Variants in CSMD1 observed in about 807,000 individuals in gnomAD.
CSMD1 encodes CUB and sushi domain-containing protein 1.
A neutral mutation model predicts 417.5 loss-of-function variants in CSMD1; 213 were observed. That is an observed-to-expected ratio of 0.51 (90% CI 0.46 to 0.57). CSMD1 has a LOEUF of 0.57. CSMD1 is among the 20% of genes least tolerant of loss of function. CSMD1 has a pLI of 0.00. For synonymous variants in CSMD1, 2,862 were observed against 1,736.8 expected (o/e 1.65, Z -16.11); for missense variants, 6,923 against 4,529.7 (o/e 1.53, Z -15.17).
chr8:3,560,657 T>C (rs1301311863), intron 10 of CSMD1, among the ~76,000 whole-genome samples: 1 of 152,154 alleles, frequency 6.6e-6, no homozygotes, highest in Non-Finnish European at 1.5e-5. Context: ...GATATTTCTA[T>C]TGTCTTTTAC....
chr8:4,330,683 G>A (rs764816325), intron 3 of CSMD1, among the ~76,000 whole-genome samples: 2 of 151,916 alleles, frequency 1.3e-5, no homozygotes, highest in Admixed American at 1.3e-4. Flanking sequence ...TACACTCCTA[G>A]GTGTTTGCTC....
At chr8:3,184,540 T>A (rs768784698) in intron 36 of CSMD1, among the ~76,000 whole-genome samples, 2 of 152,204 alleles carry the variant, frequency 1.3e-5, no homozygotes, top group Non-Finnish European at 2.9e-5. Flanking sequence ...TCAACTGAGC[T>A]TCAGAATGGA....
rs116896099 is a variant in CSMD1, at chr8:4,356,887, T to C, written c.415+63066A>G. ...TAAAATCTAGAGGCTGAAACTATAA[T>C]GAATTTAGCCCTTTAAATCTGAATA... On this transcript the variant is annotated intron_variant, in intron 3 of 69. Transcript: ENST00000635120. Among the ~76,000 whole-genome samples, 4 of 152,338 alleles carry C rather than the reference T, an allele frequency of 2.6e-5. No homozygotes were observed. The East Asian group carries it at 5.8e-4, about 22-fold the overall frequency.
rs77216067 is a variant in CSMD1, at chr8:4,043,989, G to A, written c.416-11890C>T. On this transcript the variant is annotated intron_variant, in intron 3 of 69. Transcript: ENST00000635120. ...AATTGAAATGCTTTTAAATGCAACT[G>A]TAATGTCAGAAAGAAATAATTTTGG... is the stretch of plus-strand genomic sequence containing the variant. Among the ~76,000 whole-genome samples the A allele has an allele frequency of 6.9e-3, 1,054 of 151,940 alleles. 11 individuals carry two copies. Among genetic ancestry groups the A allele is most frequent in the African/African-American group, 0.016 (675 of 41,394 alleles).
chr8:4,544,099 C>T (rs1402312689), intron 2 of CSMD1, among the ~76,000 whole-genome samples: 1 of 152,044 alleles, frequency 6.6e-6, no homozygotes. Context: ...TTAACATTGT[C>T]TTTCTTAGGG....
intron 5 of CSMD1, among the ~76,000 whole-genome samples, chr8:3,982,733 G>C (rs1481550375): frequency 6.6e-6 from 1 of 152,108 alleles, no homozygotes; most frequent in East Asian, 1.9e-4. Context: ...GGCATCTGTA[G>C]GAGGCTTAAC....
At chr8:4,119,337 C>T (rs1802346449) in intron 3 of CSMD1, among the ~76,000 whole-genome samples, 1 of 152,156 alleles carries the variant, frequency 6.6e-6, no homozygotes, top group Non-Finnish European at 1.5e-5. Flanking sequence ...TTTGGTACAT[C>T]CACAGCAGGG....
chr8:4,482,502 G>C (rs889959274), intron 2 of CSMD1, among the ~76,000 whole-genome samples: 1 of 152,144 alleles, frequency 6.6e-6, no homozygotes, highest in Non-Finnish European at 1.5e-5. Flanking sequence ...TTATTGATGG[G>C]CATTTAGGTT....
chr8:2,989,899 T>C (rs991753623), intron 54 of CSMD1, among the ~76,000 whole-genome samples: 1 of 152,210 alleles, frequency 6.6e-6, no homozygotes, highest in African/African-American at 2.4e-5. Flanking sequence ...TCTGCATAGT[T>C]ATCTACTTAA....
At chr8:3,864,624 C>G (rs1400482744) in intron 5 of CSMD1, among the ~76,000 whole-genome samples, 1 of 152,066 alleles carries the variant, frequency 6.6e-6, no homozygotes, top group Non-Finnish European at 1.5e-5. Context: ...CCCAGTAACC[C>G]CATCCCACAA....
chr8:4,605,131 T>A (rs891851294), intron 2 of CSMD1, among the ~76,000 whole-genome samples: 1 of 152,224 alleles, frequency 6.6e-6, no homozygotes, highest in Non-Finnish European at 1.5e-5. Flanking sequence ...CTGAAATTAG[T>A]ATTATGTCAC....
At chr8:4,690,748 G>T (rs1806714715) in intron 1 of CSMD1, among the ~76,000 whole-genome samples, 1 of 151,988 alleles carries the variant, frequency 6.6e-6, no homozygotes, top group African/African-American at 2.4e-5. Flanking sequence ...TTTTATTTTT[G>T]AGACAGAATC....
At chr8:3,357,582 T>C (rs1808875999) in intron 21 of CSMD1, among the ~76,000 whole-genome samples, 1 of 152,186 alleles carries the variant, frequency 6.6e-6, no homozygotes, top group Non-Finnish European at 1.5e-5. Flanking sequence ...TGACTCTGGA[T>C]GAAATAGAAT....
At chr8:3,960,464 A>C (rs970671126) in intron 5 of CSMD1, among the ~76,000 whole-genome samples, 1 of 152,198 alleles carries the variant, frequency 6.6e-6, no homozygotes, top group African/African-American at 2.4e-5. Context: ...CACAGGGGCG[A>C]ATATTATTTA....
chr8:3,946,862 G>A lies in CSMD1; in HGVS notation c.818+51041C>T, dbSNP rs2980781. Among the ~76,000 whole-genome samples the A allele has an allele frequency of 5.0e-3, 758 of 152,016 alleles. 1 individual carries two copies. The highest frequency in any genetic ancestry group is 8.0e-3 in the Non-Finnish European group (547 of 67,964). On this transcript the variant is annotated intron_variant, in intron 5 of 69. Transcript: ENST00000635120. ...ATTTTAAAAATTTTGTTTTGAAATT[G>A]CTCATTGCTTGTATCGATTTATATT...
At chr8:3,667,829 G>C (rs958544825) in intron 7 of CSMD1, among the ~76,000 whole-genome samples, 1 of 152,158 alleles carries the variant, frequency 6.6e-6, no homozygotes, top group Non-Finnish European at 1.5e-5. Flanking sequence ...TGAACAGCAG[G>C]CATCCTGGAG....
rs1010877364 is a variant in CSMD1 at position 3,762,696 on chromosome 8, C to T, written c.819-8654G>A. Among the ~76,000 whole-genome samples the T allele has an allele frequency of 4.6e-5, 7 of 152,278 alleles. No homozygotes were observed. The East Asian group carries it at 9.7e-4, about 21-fold the overall frequency. On this transcript the variant is annotated intron_variant, in intron 5 of 69. Coordinates refer to ENST00000635120, the MANE Select transcript of CSMD1 (RefSeq NM_033225.6). ...TGGTGCCCAGAGAAAGAGAGAGAGC[C>T]AAAGCTGTCCGTCTGCAAAGATGGT...
At chr8:4,487,524 C>A (rs1037870004) in intron 2 of CSMD1, among the ~76,000 whole-genome samples, 1 of 152,164 alleles carries the variant, frequency 6.6e-6, no homozygotes, top group Non-Finnish European at 1.5e-5. Context: ...CATAGTATTC[C>A]ATGGTGTACA....
At chr8:2,950,816 A>G (rs1802576997) in intron 66 of CSMD1, among the ~76,000 whole-genome samples, 1 of 152,214 alleles carries the variant, frequency 6.6e-6, no homozygotes, top group South Asian at 2.1e-4. Context: ...AAGAAAAAGT[A>G]TTAAGAAATA....
Sources: allele counts gnomAD v4.1 joint callset (sites outside exome capture counted in the v4.1 genomes callset), GRCh38; gene constraint gnomAD v4.1.1; transcripts MANE v1.5; gene names NCBI Gene and HGNC (gene_info 2026-07-23, HGNC 2026-07-21).